The following FAM240C variants were observed in gnomAD, a reference collection of about 807,000 sequenced individuals.
FAM240C encodes the protein family with sequence similarity 240 member C.
Under a neutral mutation model 10.0 loss-of-function variants are expected in FAM240C, and 14 were observed. The observed-to-expected ratio is 1.40, with a 90% CI of 0.92 to 2.19. The LOEUF (loss-of-function observed/expected upper bound fraction) is 2.19, where lower values mean the gene tolerates loss of function less well. Among genes scored for constraint, FAM240C ranks in the 30% most tolerant of loss-of-function variants. FAM240C has a pLI of 0.00. For synonymous variants in FAM240C, 49 were observed against 44.3 expected (o/e 1.11, Z -0.42); for missense variants, 154 against 122.3 (o/e 1.26, Z -1.22).
At chr2:241,899,290 TG>T in intron 1 of FAM240C, 1 of 985,454 alleles carries the variant, frequency 1.0e-6, no homozygotes, top group Non-Finnish European at 1.2e-6. Flanking sequence ...CTGGGCGCTT[TG>T]CTGGGGAGCT....
intron 2 of FAM240C, among the ~76,000 whole-genome samples, chr2:241,896,471 G>C (rs1274388186): frequency 1.4e-5 from 2 of 144,306 alleles, no homozygotes; most frequent in Admixed American, 1.4e-4. Context: ...CGGAGTGTCA[G>C]GGAGATGGCG....
intron 2 of FAM240C, among the ~76,000 whole-genome samples, chr2:241,896,374 T>G (rs984257575): frequency 3.9e-5 from 6 of 151,938 alleles, no homozygotes; most frequent in Non-Finnish European, 7.4e-5. Context: ...AGGGCACAAG[T>G]ACAGATACGT....
chr2:241,898,218 G>A (rs1395130483), intron 1 of FAM240C, among the ~76,000 whole-genome samples: 2 of 152,156 alleles, frequency 1.3e-5, no homozygotes, highest in African/African-American at 2.4e-5. Flanking sequence ...GTGCATCTAC[G>A]GGACACCAGC....
intron 2 of FAM240C, among the ~76,000 whole-genome samples, chr2:241,895,963 T>TG (rs397785705): frequency 0.62 from 92,691 of 148,656 alleles, 29,479 homozygotes; most frequent in African/African-American, 0.73. Context: ...CACTCGGTGG[T>TG]GGGGGGGGGC....
intron 2 of FAM240C, among the ~76,000 whole-genome samples, chr2:241,895,403 G>A (rs745995691): frequency 3.3e-5 from 5 of 152,236 alleles, no homozygotes; most frequent in African/African-American, 4.8e-5. Flanking sequence ...TGGAAGCAGC[G>A]GCCCCTGTCC....
chr2:241,898,910 G>C (rs1701914660), intron 1 of FAM240C, among the ~76,000 whole-genome samples: 1 of 152,240 alleles, frequency 6.6e-6, no homozygotes, highest in African/African-American at 2.4e-5. Context: ...CTATGGGGTG[G>C]GCAGAGCCAT....
At chr2:241,896,373 G>T (rs1363453602) in intron 2 of FAM240C, among the ~76,000 whole-genome samples, 1 of 152,156 alleles carries the variant, frequency 6.6e-6, no homozygotes, top group African/African-American at 2.4e-5. Context: ...AAGGGCACAA[G>T]TACAGATACG....
upstream of FAM240C, chr2:241,900,494 G>C: frequency 3.0e-6 from 2 of 674,016 alleles, no homozygotes; most frequent in Non-Finnish European, 5.6e-6. The surrounding 1 kb of genome is among the most constrained non-coding windows in gnomAD (Gnocchi z 4.5). Flanking sequence ...CATGCTTGGC[G>C]TCGGTTCAGT....
intron 2 of FAM240C, among the ~76,000 whole-genome samples, chr2:241,896,556 T>G (rs2124920025): frequency 2.6e-5 from 3 of 113,960 alleles, no homozygotes; most frequent in African/African-American, 3.5e-5. Context: ...GGGGTGTGTG[T>G]GTTGGGGTGT....
At chr2:241,901,515 G>C (rs918071049), upstream of FAM240C, among the ~76,000 whole-genome samples, 4 of 152,116 alleles carry the variant, frequency 2.6e-5, no homozygotes, top group African/African-American at 9.7e-5. This position sits in a 1 kb window ranked among gnomAD's most constrained non-coding sequence, Gnocchi z 4.9. Flanking sequence ...GGTGTCATCA[G>C]TGGATTGGGA....
At chr2:241,898,608 G>C (rs1238102200) in intron 1 of FAM240C, among the ~76,000 whole-genome samples, 2 of 71,526 alleles carry the variant, frequency 2.8e-5, no homozygotes, top group African/African-American at 1.1e-4. Context: ...AGTGTCGACA[G>C]CAGCAGCCCC....
chr2:241,900,867 T>C (rs534755447), upstream of FAM240C, among the ~76,000 whole-genome samples: 40 of 152,226 alleles, frequency 2.6e-4, no homozygotes, highest in African/African-American at 9.1e-4. This position sits in a 1 kb window ranked among gnomAD's most constrained non-coding sequence, Gnocchi z 4.5. Flanking sequence ...GCCCCACCCA[T>C]ACATGGGTTT....
intron 2 of FAM240C, among the ~76,000 whole-genome samples, chr2:241,896,444 G>C (rs1369745997): frequency 6.6e-6 from 1 of 150,552 alleles, no homozygotes; most frequent in African/African-American, 2.4e-5. Flanking sequence ...TCCTGGAAAA[G>C]TTCCTGTGAT....
In FAM240C at chr2:241,899,620, C is replaced by T. The variant is rs74003905; in HGVS notation, c.12+738G>A. Among the ~76,000 whole-genome samples, 1,243 of 152,324 alleles carry T rather than the reference C, an allele frequency of 8.2e-3. 14 individuals carry two copies. Among genetic ancestry groups the T allele is most frequent in the African/African-American group, 0.029 (1,192 of 41,572 alleles). On this transcript the variant is annotated intron_variant, in intron 1 of 2. Coordinates refer to ENST00000404031, the MANE Select transcript of FAM240C (RefSeq NM_001382368.1). ...GCTGGAAAACATCTGACAGCTGAGA[C>T]CTGGCTGTTCTTGGCAGGGGCTTCA...
chr2:241,898,230 A>G (rs763257581), intron 1 of FAM240C, among the ~76,000 whole-genome samples: 3 of 152,162 alleles, frequency 2.0e-5, no homozygotes, highest in Non-Finnish European at 4.4e-5. Flanking sequence ...GACACCAGCA[A>G]TCTTAGAATA....
At chr2:241,896,333 G>T (rs953650656) in intron 2 of FAM240C, among the ~76,000 whole-genome samples, 4 of 152,308 alleles carry the variant, frequency 2.6e-5, no homozygotes, top group Non-Finnish European at 5.9e-5. Context: ...CTTGGTATCT[G>T]CCTTCCTGAG....
rs930104393 is a variant in FAM240C at position 241,894,125 on chromosome 2, C to T, written c.*88G>A. On this transcript the variant is annotated 3_prime_UTR_variant, in exon 3 of 3. Coordinates refer to ENST00000404031, the MANE Select transcript of FAM240C (RefSeq NM_001382368.1). ...ATTTCCATGATGAAGATCCTGTGAA[C>T]TCTGGCGTGGATGCTTGGACCCCAC... 4.2e-6 allele frequency: 6 copies of T among 1,416,366 alleles called. No homozygotes were observed. The highest frequency in any genetic ancestry group is 4.7e-6 in the Non-Finnish European group (5 of 1,053,554). The allele number at this position is 1,416,366 out of a possible 1,614,324, so 87.7% of individuals were successfully genotyped here. A position where few individuals can be genotyped will look rare whatever the true frequency, so the allele number is the denominator to read the frequency against.
At position 241,900,339 on chromosome 2, in the gene FAM240C, C is replaced by G. The variant is rs1701954775; in HGVS notation, c.12+19G>C. 2 of 717,212 alleles carry G rather than the reference C, an allele frequency of 2.8e-6. No homozygotes were observed. Among genetic ancestry groups the G allele is most frequent in the Non-Finnish European group, 5.2e-6 (2 of 385,066 alleles). 44.4% of individuals were successfully genotyped at this position (717,212 alleles called of 1,614,324 possible). On this transcript the variant is annotated intron_variant, in intron 1 of 2. Transcript: ENST00000404031. This position sits in a 1 kb window ranked among gnomAD's most constrained non-coding sequence, Gnocchi z 4.5. ...TCTCTCAAGCAAGGACAGCGCCTGT[C>G]ACATCACAGAGAGCTTACTTTTCCA...
intron 2 of FAM240C, among the ~76,000 whole-genome samples, chr2:241,896,554 T>TGTGGGGGTGTGG (rs1701814356): frequency 3.9e-4 from 5 of 12,764 alleles, no homozygotes; most frequent in East Asian, 1.2e-3. Flanking sequence ...TTGGGGTGTG[T>TGTGGGGGTGTGG]GTGTTGGGGT....
Sources: allele counts gnomAD v4.1 joint callset (sites outside exome capture counted in the v4.1 genomes callset), GRCh38; gene constraint gnomAD v4.1.1; non-coding constraint Gnocchi (gnomAD v3.1); transcripts MANE v1.5; gene names NCBI Gene and HGNC (gene_info 2026-07-23, HGNC 2026-07-21).